PHGDH: variants seen among roughly 807,000 people sequenced by gnomAD.
The protein encoded by PHGDH is D-3-phosphoglycerate dehydrogenase.
A neutral mutation model predicts 52.6 loss-of-function variants in PHGDH; 50 were observed. The observed-to-expected ratio is 0.95, with a 90% CI of 0.76 to 1.20. The LOEUF is 1.20. Among genes scored for constraint, PHGDH ranks in the 50% most tolerant of loss-of-function variants. The pLI, the probability that PHGDH is intolerant of heterozygous loss-of-function variation, is 0.00. For synonymous variants in PHGDH, 271 were observed against 280.5 expected, an observed-to-expected ratio of 0.97 and a Z score of 0.34; for missense variants, 630 against 684.6, an observed-to-expected ratio of 0.92 and a Z score of 0.89.
chr1:119,728,246 A>G (rs1651534886), intron 5 of PHGDH, among the ~76,000 whole-genome samples: 1 of 152,042 alleles, frequency 6.6e-6, no homozygotes, highest in Non-Finnish European at 1.5e-5. Context: ...TTGATTACCT[A>G]TCCTGCCTCA....
intron 11 of PHGDH, 48 bp from the exon 12 acceptor site, chr1:119,743,838 C>T: frequency 6.6e-7 from 1 of 1,509,222 alleles, no homozygotes; most frequent in Non-Finnish European, 9.2e-7. Context: ...TCCCTCGCTC[C>T]TTTTTCCCCT....
At chr1:119,725,925 G>A (rs1383278823) in intron 3 of PHGDH, among the ~76,000 whole-genome samples, 1 of 152,120 alleles carries the variant, frequency 6.6e-6, no homozygotes, top group East Asian at 1.9e-4. Context: ...CCGTGCAGCT[G>A]TGAATGTTAG....
intron 1 of PHGDH, among the ~76,000 whole-genome samples, chr1:119,713,961 G>A (rs587596073): frequency 1.3e-5 from 2 of 152,230 alleles, no homozygotes; most frequent in East Asian, 3.9e-4. Context: ...TGGATGCTGG[G>A]AGTCTGGTGC....
At chr1:119,743,115 T>C in intron 11 of PHGDH, 71 bp downstream of exon 11, 1 of 951,086 alleles carries the variant, frequency 1.1e-6, no homozygotes, top group Admixed American at 1.7e-5. Context: ...AATTGAACTC[T>C]ACCCACCTTC....
At chr1:119,737,363 T>G (rs1174383031) in intron 8 of PHGDH, 97 bp downstream of exon 8, 1 of 1,086,714 alleles carries the variant, frequency 9.2e-7, no homozygotes, top group Non-Finnish European at 1.4e-6. Context: ...GTGAATAGAT[T>G]CAGCCCTGGG....
intron 5 of PHGDH, among the ~76,000 whole-genome samples, chr1:119,728,827 T>A (rs1325230140): frequency 1.3e-5 from 2 of 152,162 alleles, no homozygotes; most frequent in Admixed American, 6.5e-5. Context: ...CATTAGGAGA[T>A]CAGTTTTGAC....
chr1:119,736,584 C>T (rs1218337551), intron 7 of PHGDH, among the ~76,000 whole-genome samples: 2 of 152,170 alleles, frequency 1.3e-5, no homozygotes, highest in African/African-American at 4.8e-5. Flanking sequence ...GGCAACCTGT[C>T]CTGATGAGAG....
rs1303930828 is a variant in PHGDH at position 119,740,491 on chromosome 1, A to G, written c.1051A>G (p.Lys351Glu). ...TLMRAWAGSP[K>E]GTIQVITQGT... is the part of the protein sequence containing the mutation. Reference sequence around the variant, plus strand: ...GATGCGAGCCTGGGCTGGGTCCCCCAAAGGGACCATCCAGGTGATAACACA... The same window carrying G: ...GATGCGAGCCTGGGCTGGGTCCCCCGAAGGGACCATCCAGGTGATAACACA... The change falls in exon 9 of 12, where the codon AAA becomes GAA. Residue 351 changes from lysine (K) to glutamate (E), a missense_variant. Lys to Glu is a moderately conservative substitution (Grantham distance 56). Transcript: ENST00000641023. 2 of 1,590,934 alleles carry G rather than the reference A, an allele frequency of 1.3e-6. No individual in the cohort carries two copies. The highest frequency in any genetic ancestry group is 8.6e-7 in the Non-Finnish European group (1 of 1,168,200).
chr1:119,731,135 G>A (rs1651670922), intron 5 of PHGDH, among the ~76,000 whole-genome samples: 1 of 152,206 alleles, frequency 6.6e-6, no homozygotes, highest in Non-Finnish European at 1.5e-5. Context: ...GTGGTTGTCA[G>A]TGGCATAGCT....
chr1:119,740,073 G>C (rs1652120283), intron 8 of PHGDH: 1 of 397,624 alleles, frequency 2.5e-6, no homozygotes, highest in Admixed American at 3.6e-5. Flanking sequence ...TTATTGTGCT[G>C]TCCAATCCCT....
chr1:119,740,160 G>A (rs147589277), intron 8 of PHGDH: 49 of 562,828 alleles, frequency 8.7e-5, no homozygotes, highest in African/African-American at 8.4e-4. Context: ...ATTTTGAGTG[G>A]TTGTGGCATT....
intron 2 of PHGDH, among the ~76,000 whole-genome samples, chr1:119,722,898 CAAAAA>C (rs59674663): frequency 1.1e-5 from 1 of 88,706 alleles, no homozygotes. Context: ...GAGGCCTTGT[CAAAAA>C]AAAAAAAAAA....
At position 119,726,926 on chromosome 1, in the gene PHGDH, G is replaced by A. The variant is rs145134231; in HGVS notation, c.411+21G>A. ...AGAAGGTGAGCAGCGGCCTTGACTC[G>A]CCCCACCTGGGCTCAGGGCCCGGGG... On this transcript the variant is annotated intron_variant, in intron 4 of 11. Coordinates refer to ENST00000641023, the MANE Select transcript of PHGDH (RefSeq NM_006623.4). 0.022 allele frequency: 35,829 copies of A among 1,612,650 alleles called. 470 individuals are homozygous for A. The highest frequency in any genetic ancestry group is 0.025 in the Non-Finnish European group (29,645 of 1,178,580).
rs370255821 is a variant in PHGDH, at chr1:119,735,283, G to A, written c.644-12G>A. On this transcript the variant is annotated splice_polypyrimidine_tract_variant and intron_variant, in intron 6 of 11. Coordinates refer to ENST00000641023, the MANE Select transcript of PHGDH (RefSeq NM_006623.4). ...TGCTGCCCCAGCAGGAAGATGCTTC[G>A]CTTTCTTCCAGGCTTGCTGAATGAC... is the stretch of plus-strand genomic sequence containing the variant. 3.5e-4 allele frequency: 563 copies of A among 1,614,028 alleles called. No individual in the cohort carries two copies. Among genetic ancestry groups the A allele is most frequent in the Non-Finnish European group, 4.6e-4 (541 of 1,180,042 alleles).
At chr1:119,714,121 C>A (rs1650817810) in intron 1 of PHGDH, among the ~76,000 whole-genome samples, 1 of 152,170 alleles carries the variant, frequency 6.6e-6, no homozygotes. Context: ...GTTCAGAATG[C>A]CAATTAATCT....
Position 119,734,673 on chromosome 1 carries a change from G to A in PHGDH, c.550G>A (p.Ala184Thr), listed in dbSNP as rs956791237. Residue 184 changes from alanine to threonine, a missense_variant, in exon 6 of 12, where the codon GCC becomes ACC. Transcript: ENST00000641023. ...YDPIISPEVS[A>T]SFGVQQLPLE... is the part of the protein sequence containing the mutation. ...CCCCATCATTTCCCCAGAGGTCTCGGCCTCCTTTGGTGTTCAGCAGCTGCC... is the reference window on the plus strand; with the variant it reads ...CCCCATCATTTCCCCAGAGGTCTCGACCTCCTTTGGTGTTCAGCAGCTGCC... 16 of 1,613,864 alleles carry A rather than the reference G, an allele frequency of 9.9e-6. No individual in the cohort carries two copies. The highest frequency in any genetic ancestry group is 1.3e-5 in the African/African-American group (1 of 74,882).
chr1:119,712,235 G>A, intron 1 of PHGDH, 75 bp downstream of exon 1: 1 of 1,400,978 alleles, frequency 7.1e-7, no homozygotes, highest in Non-Finnish European at 1.0e-6. Flanking sequence ...CCAGGCCAGC[G>A]CGCCCCCCTC....
Position 119,721,202 on chromosome 1 carries a change from C to A in PHGDH, c.171C>A (p.Thr57=). The part of the protein sequence containing the change: ...DCEGLIVRSA[T]KVTADVINAA... ...AAGGCCTTATTGTTCGCTCTGCCAC[C>A]AAGGTGACCGCTGATGTCATCAACG... is the stretch of plus-strand genomic sequence containing the variant. The change falls in exon 2 of 12, where the codon ACC becomes ACA. Residue 57 remains threonine (T), a synonymous_variant. Transcript: ENST00000641023. 1.2e-6 allele frequency: 2 copies of A among 1,614,126 alleles called. No individual in the cohort carries two copies. The highest frequency in any genetic ancestry group is 1.7e-6 in the Non-Finnish European group (2 of 1,180,014).
chr1:119,742,420 C>T, intron 10 of PHGDH: 1 of 415,620 alleles, frequency 2.4e-6, no homozygotes, highest in East Asian at 5.3e-5. Flanking sequence ...GCCATGTCCT[C>T]ACCCCTCTGC....
Sources: gnomAD v4.1 joint callset for allele counts (sites outside exome capture counted in the v4.1 genomes callset) on GRCh38, gnomAD v4.1.1 for gene constraint, MANE v1.5 for transcripts, NCBI Gene and HGNC (gene_info 2026-07-23, HGNC 2026-07-21) for gene names.